Variants in FRAS1 observed in about 807,000 individuals in gnomAD.
FRAS1 encodes the protein extracellular matrix organizing protein FRAS1.
FRAS1 carries 290 observed loss-of-function variants against 435.2 expected under a neutral mutation model. That is an observed-to-expected ratio of 0.67 (90% confidence interval 0.61 to 0.73). FRAS1 has a LOEUF of 0.73. Ranked by LOEUF, FRAS1 falls within the 30% of genes least tolerant of loss-of-function variation. The pLI, the probability that FRAS1 is intolerant of heterozygous loss-of-function variation, is 0.00. For synonymous variants in FRAS1, 1,800 were observed against 1,851.0 expected, an observed-to-expected ratio of 0.97 and a Z score of 0.71; for missense variants, 4,860 against 5,001.5, an observed-to-expected ratio of 0.97 and a Z score of 0.85.
At chr4:78,241,947 G>A (rs1341748475) in intron 3 of FRAS1, among the ~76,000 whole-genome samples, 4 of 152,096 alleles carry the variant, frequency 2.6e-5, no homozygotes, top group African/African-American at 9.7e-5. Flanking sequence ...AAGTGAGAGA[G>A]TGATCAGCAA....
At chr4:78,221,810 A>G in intron 2 of FRAS1, among the ~76,000 whole-genome samples, 1 of 152,240 alleles carries the variant, frequency 6.6e-6, no homozygotes, top group East Asian at 1.9e-4. Flanking sequence ...ACAAGGTCAC[A>G]ACACCCCTGT....
At chr4:78,537,351 A>G (rs956328223) in intron 72 of FRAS1, among the ~76,000 whole-genome samples, 151 bp downstream of exon 72, 4 of 152,220 alleles carry the variant, frequency 2.6e-5, no homozygotes, top group Non-Finnish European at 4.4e-5. Context: ...TCAGCTAAAT[A>G]CTAGTACATA....
At chr4:78,476,481 A>C (rs967636636) in intron 54 of FRAS1, among the ~76,000 whole-genome samples, 4 of 152,102 alleles carry the variant, frequency 2.6e-5, no homozygotes, top group African/African-American at 7.2e-5. Flanking sequence ...TTTTTTTTTC[A>C]AAGCAACTTT....
chr4:78,117,719 T>C (rs567974278), intron 2 of FRAS1, among the ~76,000 whole-genome samples: 88 of 152,400 alleles, frequency 5.8e-4, no homozygotes, highest in African/African-American at 1.9e-3. Context: ...TTATTCTAGT[T>C]AGCCATTCAT....
intron 2 of FRAS1, among the ~76,000 whole-genome samples, chr4:78,192,879 A>G (rs528621027): frequency 6.6e-6 from 1 of 152,144 alleles, no homozygotes; most frequent in Non-Finnish European, 1.5e-5. Flanking sequence ...TGTCAATTTT[A>G]GATCTTTCCT....
chr4:78,429,789 G>A (rs1734141310), intron 36 of FRAS1, among the ~76,000 whole-genome samples: 1 of 152,040 alleles, frequency 6.6e-6, no homozygotes, highest in Admixed American at 6.5e-5. Flanking sequence ...TCTACATATG[G>A]GGTTTGGCCT....
chr4:78,256,982 T>C (rs1725826280), intron 6 of FRAS1, among the ~76,000 whole-genome samples: 1 of 152,146 alleles, frequency 6.6e-6, no homozygotes, highest in Non-Finnish European at 1.5e-5. Flanking sequence ...ATTAGCGCTA[T>C]TGTTGGAAAA....
At chr4:78,079,230 A>T (rs1415354928) in intron 2 of FRAS1, among the ~76,000 whole-genome samples, 2 of 151,794 alleles carry the variant, frequency 1.3e-5, no homozygotes, top group Non-Finnish European at 2.9e-5. Flanking sequence ...AGGGGGAAAA[A>T]CCCCATTTTT....
In FRAS1 at chr4:78,482,493, C is replaced by T; in HGVS notation, c.8710C>T (p.Pro2904Ser). 6.2e-7 allele frequency: 1 copy of T among 1,613,862 alleles called. No individual in the cohort carries two copies. Among genetic ancestry groups the T allele is most frequent in the Non-Finnish European group, 8.5e-7 (1 of 1,179,822 alleles). ...SSAQGAELTK[P>S]FQAVIAINDT... ...AGCACAAGGAGCCGAACTGACCAAA[C>T]CCTTCCAGGCAGTCATTGCAATTAA... is the stretch of plus-strand genomic sequence containing the variant. The change falls in exon 58 of 74, where the codon CCC becomes TCC. Residue 2904 changes from proline to serine, a missense_variant. Physicochemically the swap from Pro to Ser is moderately conservative, Grantham distance 74. Transcript: ENST00000512123.
chr4:78,171,070 G>A (rs918672560), intron 2 of FRAS1, among the ~76,000 whole-genome samples: 2 of 151,870 alleles, frequency 1.3e-5, no homozygotes, highest in East Asian at 1.9e-4. Context: ...ATCTCTTTGC[G>A]GGCCTTCCTT....
chr4:78,359,205 G>A (rs1041065113), intron 20 of FRAS1, among the ~76,000 whole-genome samples: 2 of 152,074 alleles, frequency 1.3e-5, no homozygotes, highest in African/African-American at 4.8e-5. Context: ...CCTGAAGCCT[G>A]CTCACAGGTG....
intron 2 of FRAS1, among the ~76,000 whole-genome samples, chr4:78,225,809 T>C (rs560908980): frequency 2.6e-5 from 4 of 152,370 alleles, no homozygotes; most frequent in African/African-American, 9.6e-5. Flanking sequence ...TCATACTTGA[T>C]AATAATGGCT....
chr4:78,498,842 T>TTTTA (rs61394042), intron 60 of FRAS1, among the ~76,000 whole-genome samples: 200 of 147,754 alleles, frequency 1.4e-3, no homozygotes, highest in African/African-American at 4.3e-3. Context: ...CAATATATTA[T>TTTTA]TTTATTTATT....
At chr4:78,376,924 G>A (rs1731789179) in intron 26 of FRAS1, among the ~76,000 whole-genome samples, 1 of 152,096 alleles carries the variant, frequency 6.6e-6, no homozygotes, top group African/African-American at 2.4e-5. Flanking sequence ...AACCCAGGAG[G>A]TGGAGGTTGT....
chr4:78,369,967 C>T lies in FRAS1; in HGVS notation c.2852C>T (p.Ser951Phe), dbSNP rs937575444. 6 of 1,613,062 alleles carry T rather than the reference C, an allele frequency of 3.7e-6. No individual in the cohort carries two copies. The highest frequency in any genetic ancestry group is 2.7e-5 in the African/African-American group (2 of 74,892). ...GCCCCACAGTACTATCTTGACTTCT[C>T]CACCAACACGTGCAAAGGTAAAGCT... ...SCAPQYYLDF[S>F]TNTCKECDWS... Residue 951 changes from serine (S) to phenylalanine (F), a missense_variant, in exon 23 of 74, where the codon TCC becomes TTC. By Grantham distance (155) the Ser-to-Phe change is radical. Transcript: ENST00000512123.
At chr4:78,469,955 T>G in intron 50 of FRAS1, 23 bp from the exon 51 acceptor site, 1 of 1,572,554 alleles carries the variant, frequency 6.4e-7, no homozygotes, top group Non-Finnish European at 8.7e-7. Context: ...ATGATGAGTT[T>G]TCTTTTCTGC....
chr4:78,343,148 T>G (rs936369453), intron 20 of FRAS1, among the ~76,000 whole-genome samples: 1 of 152,220 alleles, frequency 6.6e-6, no homozygotes, highest in African/African-American at 2.4e-5. Context: ...GCAACTTTCT[T>G]TATTGCAGGA....
At position 78,130,689 on chromosome 4, in the gene FRAS1, C is replaced by T. The variant is rs146136973; in HGVS notation, c.108+64673C>T. Among the ~76,000 whole-genome samples the T allele has an allele frequency of 9.7e-4, 148 of 152,214 alleles. 1 individual carries two copies. In the East Asian group the frequency reaches 0.022, roughly 22 times the overall value. ...ATTTGGGGACAGACTTGGCCCTATC[C>T]TCATGAAGCTTATAGAGAAACACTC... is the stretch of plus-strand genomic sequence containing the variant. On this transcript the variant is annotated intron_variant, in intron 2 of 73. Coordinates refer to ENST00000512123, the MANE Select transcript of FRAS1 (RefSeq NM_025074.7).
chr4:78,403,739 T>C (rs182731975), intron 30 of FRAS1, among the ~76,000 whole-genome samples: 2 of 152,344 alleles, frequency 1.3e-5, no homozygotes, highest in African/African-American at 4.8e-5. Context: ...AAACTCATCA[T>C]AAGTTGAAAT....
Sources: gnomAD v4.1 joint callset for allele counts (sites outside exome capture counted in the v4.1 genomes callset) on GRCh38, gnomAD v4.1.1 for gene constraint, MANE v1.5 for transcripts, NCBI Gene and HGNC (gene_info 2026-07-23, HGNC 2026-07-21) for gene names.